Variants in DOP1B observed in about 807,000 individuals in gnomAD.
The protein encoded by DOP1B is protein DOP1B.
Under a neutral mutation model 233.5 loss-of-function variants are expected in DOP1B, and 174 were observed. That is an observed-to-expected ratio of 0.75 (90% CI 0.66 to 0.85). The LOEUF (loss-of-function observed/expected upper bound fraction) is 0.85, where lower values mean the gene tolerates loss of function less well. Among genes scored for constraint, DOP1B ranks in the 40% least tolerant of loss-of-function variants. The probability of loss-of-function intolerance (pLI) is 0.00; values close to 1 mark genes in which losing one functional copy is unlikely to be tolerated. For missense variants in DOP1B, 2,652 were observed against 2,846.6 expected, an observed-to-expected ratio of 0.93 and a Z score of 1.56; for synonymous variants, 1,190 against 1,185.6, an observed-to-expected ratio of 1.00 and a Z score of -0.08.
At chr21:36,196,979 G>T (rs1402558487) in intron 2 of DOP1B, among the ~76,000 whole-genome samples, 1 of 148,760 alleles carries the variant, frequency 6.7e-6, no homozygotes, top group African/African-American at 2.5e-5. Context: ...GTCTCACCCT[G>T]TCGCCCAGGC....
At chr21:36,260,986 C>T (rs1012474945) in intron 24 of DOP1B, 4 of 1,218,752 alleles carry the variant, frequency 3.3e-6, no homozygotes, top group Non-Finnish European at 4.1e-6. Flanking sequence ...GCCTGTTAAA[C>T]TTTAAAAGGC....
intron 15 of DOP1B, among the ~76,000 whole-genome samples, chr21:36,233,436 C>T (rs556124141): frequency 7.2e-5 from 11 of 152,304 alleles, no homozygotes; most frequent in African/African-American, 2.6e-4. Flanking sequence ...GTGCTGGTGG[C>T]CTGCCCCTCC....
chr21:36,230,415 G>A (rs1346355820), intron 13 of DOP1B, 35 bp from the exon 14 acceptor site: 1 of 1,570,406 alleles, frequency 6.4e-7, no homozygotes, highest in Non-Finnish European at 8.7e-7. Context: ...TTGGTGTTAA[G>A]AGATGCACAA....
intron 18 of DOP1B, among the ~76,000 whole-genome samples, chr21:36,241,001 A>G (rs1469338790): frequency 6.6e-6 from 1 of 152,180 alleles, no homozygotes; most frequent in African/African-American, 2.4e-5. Context: ...GACAAGGGTT[A>G]AAAAGTAAAG....
At chr21:36,211,685 G>A (rs370201606) in intron 6 of DOP1B, 34 bp downstream of exon 6, 4 of 1,602,538 alleles carry the variant, frequency 2.5e-6, no homozygotes, top group South Asian at 1.1e-5. Flanking sequence ...TAAGTCACTG[G>A]TGTTTCCCAA....
chr21:36,287,232 A>T (rs1476263174), intron 32 of DOP1B, among the ~76,000 whole-genome samples: 3 of 152,050 alleles, frequency 2.0e-5, no homozygotes, highest in Admixed American at 6.6e-5. Flanking sequence ...TCAAGTTTAA[A>T]CCTTACTCAG....
intron 27 of DOP1B, among the ~76,000 whole-genome samples, chr21:36,272,555 C>A (rs1225848093): frequency 6.7e-6 from 1 of 149,686 alleles, no homozygotes; most frequent in African/African-American, 2.5e-5. Context: ...GAGGCTGAGG[C>A]AGAATGACTT....
intron 13 of DOP1B, 118 bp from the exon 14 acceptor site, chr21:36,230,332 C>G (rs1000709345): frequency 2.4e-6 from 3 of 1,229,890 alleles, no homozygotes; most frequent in South Asian, 1.6e-5. Flanking sequence ...CAGGGATTCT[C>G]TAGTCTGGAG....
At position 36,200,320 on chromosome 21, in the gene DOP1B, C is replaced by A. The variant is rs199573651; in HGVS notation, c.321-11C>A. On this transcript the variant is annotated splice_polypyrimidine_tract_variant and intron_variant, in intron 3 of 36. Coordinates refer to ENST00000691173, the MANE Select transcript of DOP1B (RefSeq NM_001320714.2). ...TATTTCTGCCCCGCTCCCTCTCGTT[C>A]TTTCTCGAAGCTGCGGGTTATTTCC... 3.8e-6 allele frequency: 6 copies of A among 1,578,674 alleles called. No individual in the cohort carries two copies. The highest frequency in any genetic ancestry group is 5.2e-6 in the Non-Finnish European group (6 of 1,161,536).
At chr21:36,169,828 A>C (rs1425416554) in intron 2 of DOP1B, 9 of 1,016,480 alleles carry the variant, frequency 8.9e-6, no homozygotes, top group Admixed American at 1.7e-5. Flanking sequence ...GTTGTTAGAG[A>C]AACACCTTTT....
In DOP1B at chr21:36,276,985, C is replaced by T. The variant is rs769264754; in HGVS notation, c.5633-36C>T. The T allele has an allele frequency of 1.9e-6, 3 of 1,608,644 alleles. No homozygotes were observed. The African/African-American group carries it at 4.0e-5, about 21-fold the overall frequency. ...GGACAGTAAATGGTGACCCATCCAT[C>T]ATAGTTAACATACAAATGGCTCTTT... On this transcript the variant is annotated intron_variant, in intron 27 of 36. Transcript: ENST00000691173.
Position 36,292,356 on chromosome 21 carries a change from A to G in DOP1B, c.6645+123A>G. The stretch of plus-strand genomic sequence containing the variant: ...ACTGCAGCCTCCACCTCCCAGGTTC[A>G]AGTGATTCTCCTGCCTCAGCTTCCG... On this transcript the variant is annotated intron_variant, in intron 36 of 36. Transcript: ENST00000691173. The G allele has an allele frequency of 1.4e-6, 1 of 720,462 alleles. No individual in the cohort carries two copies. The highest frequency in any genetic ancestry group is 2.2e-6 in the Non-Finnish European group (1 of 462,936). The allele number at this position is 720,462 out of a possible 1,614,324, so 44.6% of individuals were successfully genotyped here. A position where few individuals can be genotyped will look rare whatever the true frequency, so the allele number is the denominator to read the frequency against.
At chr21:36,197,905 G>T (rs935363376) in intron 2 of DOP1B, among the ~76,000 whole-genome samples, 1 of 152,002 alleles carries the variant, frequency 6.6e-6, no homozygotes, top group Non-Finnish European at 1.5e-5. Context: ...CAGCTACTCA[G>T]GAGGCTGAGG....
intron 2 of DOP1B, chr21:36,169,425 A>G (rs2065949671): frequency 1.0e-6 from 1 of 1,004,152 alleles, no homozygotes; most frequent in Non-Finnish European, 1.6e-6. Flanking sequence ...GCCCCAATCC[A>G]GGCCACCTTG....
At chr21:36,198,859 T>C (rs1378542528) in intron 2 of DOP1B, among the ~76,000 whole-genome samples, 1 of 152,172 alleles carries the variant, frequency 6.6e-6, no homozygotes, top group Non-Finnish European at 1.5e-5. Context: ...GGCCACCTAC[T>C]AAGAAAGTCC....
chr21:36,252,185 A>AC (rs1317892787), intron 22 of DOP1B, among the ~76,000 whole-genome samples: 64 of 151,972 alleles, frequency 4.2e-4, no homozygotes, highest in Middle Eastern at 3.2e-3. Context: ...TAAAAAAAAA[A>AC]AACTTTACCT....
At chr21:36,221,896 G>A (rs140373352) in intron 10 of DOP1B, among the ~76,000 whole-genome samples, 52 of 152,164 alleles carry the variant, frequency 3.4e-4, no homozygotes, top group Non-Finnish European at 5.9e-4. Context: ...TTTTTGAGAC[G>A]GAGTCTCGCT....
Position 36,245,396 on chromosome 21 carries a change from G to C in DOP1B, c.3416G>C (p.Ser1139Thr), listed in dbSNP as rs2066946356. Reference protein sequence around the residue: ...SSPSHDLQELSNEENCCAPIP... With the variant: ...SSPSHDLQELTNEENCCAPIP... Reference sequence around the variant, plus strand: ...CCTTCCCACGACCTGCAGGAGCTGAGCAACGAAGAGAACTGCTGTGCACCC... The same window carrying C: ...CCTTCCCACGACCTGCAGGAGCTGACCAACGAAGAGAACTGCTGTGCACCC... The change falls in exon 19 of 37, where the codon AGC becomes ACC. Residue 1139 changes from serine (S) to threonine (T), a missense_variant. Ser to Thr is a moderately conservative substitution (Grantham distance 58). Coordinates refer to ENST00000691173, the MANE Select transcript of DOP1B (RefSeq NM_001320714.2). The surrounding 1 kb of genome is among the most constrained non-coding windows in gnomAD (Gnocchi z 5.5). The C allele has an allele frequency of 2.2e-5, 36 of 1,614,076 alleles. No individual in the cohort carries two copies. Among genetic ancestry groups the C allele is most frequent in the Non-Finnish European group, 3.0e-5 (35 of 1,180,036 alleles).
chr21:36,165,603 T>C (rs2845748), intron 2 of DOP1B, among the ~76,000 whole-genome samples: 152,136 of 152,280 alleles, frequency 1, 75,997 homozygotes, highest in Middle Eastern at 1. Flanking sequence ...CGAGCATTAC[T>C]GCTTGGGCTC....
Sources: gnomAD v4.1 joint callset for allele counts (sites outside exome capture counted in the v4.1 genomes callset) on GRCh38, gnomAD v4.1.1 for gene constraint, Gnocchi (gnomAD v3.1) non-coding constraint, MANE v1.5 for transcripts, NCBI Gene and HGNC (gene_info 2026-07-23, HGNC 2026-07-21) for gene names.